AGBL1: variants seen among roughly 807,000 people sequenced by gnomAD.
The protein encoded by AGBL1 is AGBL carboxypeptidase 1.
AGBL1 carries 130 observed loss-of-function variants against 118.9 expected under a neutral mutation model. The ratio of observed to expected loss-of-function variants is 1.09; its 90% CI spans 0.95 to 1.26. The LOEUF is 1.26. Ranked by LOEUF, AGBL1 falls within the 50% of genes most tolerant of loss-of-function variation. The pLI is 0.00. For missense variants in AGBL1, 1,584 were observed against 1,298.1 expected (o/e 1.22, Z -3.38); for synonymous variants, 555 against 478.9 (o/e 1.16, Z -2.08).
intron 18 of AGBL1, among the ~76,000 whole-genome samples, chr15:86,467,282 A>T (rs1596150734): frequency 6.6e-6 from 1 of 152,080 alleles, no homozygotes; most frequent in Non-Finnish European, 1.5e-5. Context: ...TGAGGGGAAA[A>T]CTGCCTACTC....
At chr15:86,707,133 C>G (rs576558742) in intron 22 of AGBL1, among the ~76,000 whole-genome samples, 1 of 152,148 alleles carries the variant, frequency 6.6e-6, no homozygotes, top group Non-Finnish European at 1.5e-5. Flanking sequence ...TATTAGAGCA[C>G]TTCACTCAGC....
chr15:86,821,565 C>G (rs1306859802), intron 22 of AGBL1, among the ~76,000 whole-genome samples: 1 of 152,020 alleles, frequency 6.6e-6, no homozygotes, highest in Non-Finnish European at 1.5e-5. Context: ...TTCATGATGA[C>G]TCATTTGTGT....
chr15:86,637,454 A>T (rs1456661504), intron 21 of AGBL1, among the ~76,000 whole-genome samples: 2 of 152,200 alleles, frequency 1.3e-5, no homozygotes, highest in African/African-American at 2.4e-5. Flanking sequence ...AGGCCGGGTT[A>T]TAGTGAGTGA....
rs141655061 is a variant in AGBL1 at position 86,746,751 on chromosome 15, A to G, written c.3158+72315A>G. 1.6e-3 allele frequency among the ~76,000 whole-genome samples: 245 copies of G among 152,108 alleles called. 3 individuals carry two copies. The highest frequency in any genetic ancestry group is 5.6e-3 in the African/African-American group (231 of 41,516). On this transcript the variant is annotated intron_variant, in intron 22 of 22. Coordinates refer to ENST00000614907, the MANE Select transcript of AGBL1 (RefSeq NM_001386094.1). ...ATCTAGTGTTGGTCATTAAATGGAG[A>G]GGAAATTAGTATGACGCTGGCCCCC...
intron 22 of AGBL1, among the ~76,000 whole-genome samples, chr15:86,782,422 A>G (rs2078348802): frequency 6.6e-6 from 1 of 152,214 alleles, no homozygotes; most frequent in African/African-American, 2.4e-5. Flanking sequence ...CAGGAGAGAC[A>G]GTAGGATTTT....
chr15:86,397,491 A>G lies in AGBL1; in HGVS notation c.2500A>G (p.Asn834Asp). The G allele has an allele frequency of 1.2e-6, 2 of 1,612,998 alleles. No homozygotes were observed. Among genetic ancestry groups the G allele is most frequent in the Non-Finnish European group, 1.7e-6 (2 of 1,179,376 alleles). The change falls in exon 18 of 23, where the codon AAC (asparagine) becomes GAC (aspartate). Residue 834 changes from asparagine (N) to aspartate (D), a missense_variant. Physicochemically the swap from Asn to Asp is conservative, Grantham distance 23. Transcript: ENST00000614907. ...SDPVARLLRENFIFKIIPMLN... is the reference protein window; with the variant it reads ...SDPVARLLREDFIFKIIPMLN... Reference sequence around the variant, plus strand: ...CCCTGTGGCTAGGCTCTTGAGGGAAAACTTCATCTTCAAGATCATACCCAT... The same window carrying G: ...CCCTGTGGCTAGGCTCTTGAGGGAAGACTTCATCTTCAAGATCATACCCAT...
At position 87,013,892 on chromosome 15, in the gene AGBL1, A is replaced by G. The variant is rs544913603; in HGVS notation, c.3324-14933A>G. ...GAGGTCATGGGCTTTGAACATAGAC[A>G]CACTTGATTTGATTCCAGGAGCTAC... On this transcript the variant is annotated intron_variant, in intron 24 of 24. Transcript: ENST00000441037. 2.0e-5 allele frequency among the ~76,000 whole-genome samples: 3 copies of G among 152,310 alleles called. No individual in the cohort carries two copies. In the East Asian group the frequency reaches 5.8e-4, roughly 29 times the overall value.
At chr15:86,464,674 C>CT (rs2082377885) in intron 18 of AGBL1, among the ~76,000 whole-genome samples, 1 of 152,032 alleles carries the variant, frequency 6.6e-6, no homozygotes. Context: ...TATAGAAGGT[C>CT]TTTTTTGCAT....
intron 22 of AGBL1, among the ~76,000 whole-genome samples, chr15:86,820,342 A>G (rs2141386479): frequency 1.3e-5 from 2 of 152,350 alleles, no homozygotes. Flanking sequence ...AACTATCACC[A>G]GAGTGAACAG....
chr15:86,332,535 A>G (rs560121987), intron 17 of AGBL1, among the ~76,000 whole-genome samples: 1 of 151,716 alleles, frequency 6.6e-6, no homozygotes, highest in Non-Finnish European at 1.5e-5. Flanking sequence ...AGTCCCAGCT[A>G]CTCAGGAGAC....
intron 18 of AGBL1, among the ~76,000 whole-genome samples, chr15:86,442,261 T>C (rs2082073059): frequency 6.6e-6 from 1 of 152,168 alleles, no homozygotes; most frequent in Non-Finnish European, 1.5e-5. Flanking sequence ...GAAGGAGATA[T>C]TTCCCCCATC....
At chr15:86,404,019 T>C (rs148624133) in intron 18 of AGBL1, among the ~76,000 whole-genome samples, 348 of 152,346 alleles carry the variant, frequency 2.3e-3, no homozygotes, top group Non-Finnish European at 3.3e-3. Flanking sequence ...GTTATATGAC[T>C]AGCTTGTGGG....
intron 22 of AGBL1, among the ~76,000 whole-genome samples, chr15:86,742,575 G>A (rs1470632222): frequency 1.3e-5 from 2 of 152,090 alleles, no homozygotes; most frequent in Non-Finnish European, 2.9e-5. Context: ...TTGTCCCTAT[G>A]TTCTGCCTAT....
intron 7 of AGBL1, among the ~76,000 whole-genome samples, chr15:86,255,840 G>A (rs551349657): frequency 5.3e-5 from 8 of 152,250 alleles, no homozygotes; most frequent in African/African-American, 1.7e-4. Flanking sequence ...TAAATTCATG[G>A]AAAAATTTTT....
In AGBL1 at chr15:86,345,339, T is replaced by G. The variant is rs553094220; in HGVS notation, c.2374+49931T>G. On this transcript the variant is annotated intron_variant, in intron 17 of 22. Coordinates refer to ENST00000614907, the MANE Select transcript of AGBL1 (RefSeq NM_001386094.1). ...CCCTGGTGTTTAACCTCCCACAGTT[T>G]GTGGCACCAATAGTGCATCAGCGAG... Among the ~76,000 whole-genome samples the G allele has an allele frequency of 3.9e-5, 6 of 152,350 alleles. No individual in the cohort carries two copies. The East Asian group carries it at 9.6e-4, about 24-fold the overall frequency.
At chr15:86,320,306 T>C (rs1314273202) in intron 17 of AGBL1, among the ~76,000 whole-genome samples, 1 of 152,130 alleles carries the variant, frequency 6.6e-6, no homozygotes, top group Non-Finnish European at 1.5e-5. Context: ...AATTTTATTT[T>C]TTTTTTGTAT....
chr15:86,561,744 C>A (rs1374024759), intron 21 of AGBL1, among the ~76,000 whole-genome samples: 8 of 152,156 alleles, frequency 5.3e-5, no homozygotes, highest in African/African-American at 1.9e-4. Context: ...TTACCTTGGG[C>A]AATATGGCCA....
chr15:86,851,989 G>T (rs184548059), intron 22 of AGBL1, among the ~76,000 whole-genome samples: 193 of 152,226 alleles, frequency 1.3e-3, no homozygotes, highest in Non-Finnish European at 2.2e-3. Context: ...GCTCACCATT[G>T]TCATGGCAGC....
At chr15:86,239,194 G>T (rs1175996200) in intron 6 of AGBL1, among the ~76,000 whole-genome samples, 1 of 152,038 alleles carries the variant, frequency 6.6e-6, no homozygotes, top group Non-Finnish European at 1.5e-5. Flanking sequence ...ACCTGTCCCG[G>T]TTTCTGGAGC....
Sources: gnomAD v4.1 joint callset for allele counts (sites outside exome capture counted in the v4.1 genomes callset) on GRCh38, gnomAD v4.1.1 for gene constraint, MANE v1.5 for transcripts, NCBI Gene and HGNC (gene_info 2026-07-23, HGNC 2026-07-21) for gene names.